AGBL4: variants seen among roughly 807,000 people sequenced by gnomAD.
AGBL4 encodes AGBL carboxypeptidase 4, also known as cytosolic carboxypeptidase 6.
Under a neutral mutation model 66.4 loss-of-function variants are expected in AGBL4, and 58 were observed. The ratio of observed to expected loss-of-function variants is 0.87; its 90% confidence interval spans 0.71 to 1.09. The LOEUF (loss-of-function observed/expected upper bound fraction) is 1.09, where lower values mean the gene tolerates loss of function less well. Ranked by LOEUF, AGBL4 falls within the 50% of genes least tolerant of loss-of-function variation. The pLI, the probability that AGBL4 is intolerant of heterozygous loss-of-function variation, is 0.00. For missense variants in AGBL4, 579 were observed against 631.0 expected (o/e 0.92, Z 0.88); for synonymous variants, 234 against 222.9 (o/e 1.05, Z -0.44).
intron 9 of AGBL4, among the ~76,000 whole-genome samples, chr1:48,624,902 G>A (rs867958864): frequency 0.029 from 4,400 of 151,938 alleles, 193 homozygotes; most frequent in African/African-American, 0.1. Flanking sequence ...GTGTGTGTGT[G>A]TGTGTGTGTG....
chr1:49,427,652 C>A (rs117424084), intron 3 of AGBL4, among the ~76,000 whole-genome samples: 1 of 152,158 alleles, frequency 6.6e-6, no homozygotes, highest in African/African-American at 2.4e-5. Flanking sequence ...AAGTCACAGA[C>A]CTTCGCAGTG....
chr1:49,236,711 T>C (rs990692917), intron 4 of AGBL4, among the ~76,000 whole-genome samples: 2 of 152,126 alleles, frequency 1.3e-5, no homozygotes, highest in Non-Finnish European at 2.9e-5. Context: ...TGTGTATAGT[T>C]CTATGTCATC....
intron 3 of AGBL4, among the ~76,000 whole-genome samples, chr1:49,299,842 T>G (rs551027323): frequency 2.0e-5 from 3 of 152,140 alleles, no homozygotes; most frequent in Non-Finnish European, 4.4e-5. Context: ...AGTTTTTTTT[T>G]CTTTTAAATC....
At chr1:48,855,179 C>T (rs1647118197) in intron 6 of AGBL4, among the ~76,000 whole-genome samples, 1 of 152,164 alleles carries the variant, frequency 6.6e-6, no homozygotes. Flanking sequence ...GACCTGATCT[C>T]CCTCATGATG....
At chr1:49,132,845 T>C (rs538499175) in intron 4 of AGBL4, among the ~76,000 whole-genome samples, 1 of 152,220 alleles carries the variant, frequency 6.6e-6, no homozygotes, top group East Asian at 1.9e-4. Flanking sequence ...TCCTCAAAGA[T>C]CTAGAACCAG....
chr1:49,845,172 A>C (rs1436932005), intron 2 of AGBL4: 1 of 1,414,408 alleles, frequency 7.1e-7, no homozygotes, highest in Non-Finnish European at 1.0e-6. Context: ...AATGTCACAA[A>C]TGAGGAAAAG....
At chr1:48,816,295 C>G (rs1472190611) in intron 6 of AGBL4, among the ~76,000 whole-genome samples, 3 of 152,046 alleles carry the variant, frequency 2.0e-5, no homozygotes, top group African/African-American at 7.2e-5. Context: ...TGCACTGTTG[C>G]TTTTTGGATG....
At chr1:49,048,943 A>C (rs1158955812) in intron 4 of AGBL4, among the ~76,000 whole-genome samples, 1 of 151,978 alleles carries the variant, frequency 6.6e-6, no homozygotes, top group South Asian at 2.1e-4. Context: ...TTGCCATCCA[A>C]CTTACAGCCT....
At chr1:49,617,385 C>T (rs777157305) in intron 3 of AGBL4, among the ~76,000 whole-genome samples, 1 of 152,132 alleles carries the variant, frequency 6.6e-6, no homozygotes, top group African/African-American at 2.4e-5. Flanking sequence ...ATCCCTATAC[C>T]CTCTAGTCCT....
intron 4 of AGBL4, among the ~76,000 whole-genome samples, chr1:49,142,319 C>T (rs1431379437): frequency 6.6e-6 from 1 of 152,084 alleles, no homozygotes; most frequent in African/African-American, 2.4e-5. Context: ...TGTCTCCCTC[C>T]CCCTCACTGT....
intron 3 of AGBL4, among the ~76,000 whole-genome samples, chr1:49,349,850 T>C (rs1267296597): frequency 1.3e-5 from 2 of 152,140 alleles, no homozygotes; most frequent in Admixed American, 6.6e-5. Flanking sequence ...GGTGTTCTTA[T>C]AAGAAAATAT....
chr1:48,663,817 A>G (rs1260237674), intron 6 of AGBL4, among the ~76,000 whole-genome samples: 1 of 152,142 alleles, frequency 6.6e-6, no homozygotes, highest in East Asian at 1.9e-4. Flanking sequence ...TTACAGGAAC[A>G]TGCTGTTAAT....
At chr1:48,827,352 G>A (rs4633320) in intron 6 of AGBL4, among the ~76,000 whole-genome samples, 52,198 of 152,044 alleles carry the variant, frequency 0.34, 9,305 homozygotes, top group East Asian at 0.71. Context: ...AAAATGGCAT[G>A]GCAAGCACTT....
chr1:49,754,207 T>G (rs1463153466), intron 2 of AGBL4, among the ~76,000 whole-genome samples: 1 of 152,130 alleles, frequency 6.6e-6, no homozygotes, highest in Non-Finnish European at 1.5e-5. Context: ...TCTTCATGAT[T>G]TATCTACCTT....
In AGBL4 at chr1:48,659,357, G is replaced by A. The variant is rs1487231243; in HGVS notation, c.724+3795C>T. Among the ~76,000 whole-genome samples, 7 of 152,284 alleles carry A rather than the reference G, an allele frequency of 4.6e-5. No individual in the cohort carries two copies. The South Asian group carries it at 1.0e-3, about 23-fold the overall frequency. Reference sequence around the variant, plus strand: ...ATGGAAATGGTAGGCTCAAACTCAGGCCCATCAAACTCCAAAGCCACAGCT... The same window carrying A: ...ATGGAAATGGTAGGCTCAAACTCAGACCCATCAAACTCCAAAGCCACAGCT... On this transcript the variant is annotated intron_variant, in intron 7 of 13. Transcript: ENST00000371839.
intron 1 of AGBL4, among the ~76,000 whole-genome samples, chr1:49,856,090 A>C (rs2148073122): frequency 6.6e-6 from 1 of 152,218 alleles, no homozygotes; most frequent in South Asian, 2.1e-4. Context: ...ACAAAGGACC[A>C]CTAGAGACTA....
At chr1:48,989,939 T>A (rs1660477371) in intron 5 of AGBL4, among the ~76,000 whole-genome samples, 1 of 152,222 alleles carries the variant, frequency 6.6e-6, no homozygotes, top group South Asian at 2.1e-4. Flanking sequence ...TATTTTTAGT[T>A]TTTTGAGGAA....
chr1:48,710,199 A>T (rs1031775301), intron 6 of AGBL4, among the ~76,000 whole-genome samples: 3 of 152,140 alleles, frequency 2.0e-5, no homozygotes, highest in African/African-American at 7.2e-5. Context: ...AGGGAGGAGA[A>T]ATATGAACAC....
At chr1:49,852,458 C>T (rs986108711) in intron 1 of AGBL4, among the ~76,000 whole-genome samples, 10 of 152,240 alleles carry the variant, frequency 6.6e-5, no homozygotes, top group African/African-American at 2.4e-4. Context: ...AGGTCTCTAC[C>T]AGGTATTCAG....
Sources: allele counts gnomAD v4.1 joint callset (sites outside exome capture counted in the v4.1 genomes callset), GRCh38; gene constraint gnomAD v4.1.1; transcripts MANE v1.5; gene names NCBI Gene and HGNC (gene_info 2026-07-23, HGNC 2026-07-21).